The following CRY1 variants were observed in gnomAD, a reference collection of about 807,000 sequenced individuals.
CRY1 encodes cryptochrome circadian regulator 1, also known as cryptochrome-1.
Under a neutral mutation model 76.0 loss-of-function variants are expected in CRY1, and 45 were observed. The ratio of observed to expected loss-of-function variants is 0.59; its 90% CI spans 0.47 to 0.76. The LOEUF (loss-of-function observed/expected upper bound fraction) is 0.76, where lower values mean the gene tolerates loss of function less well. Among genes scored for constraint, CRY1 ranks in the 30% least tolerant of loss-of-function variants. CRY1 has a pLI of 0.00. For synonymous variants in CRY1, 248 were observed against 244.0 expected (o/e 1.02, Z -0.15); for missense variants, 587 against 716.4 (o/e 0.82, Z 2.06).
chr12:107,079,648 G>C (rs1953298632), intron 1 of CRY1, among the ~76,000 whole-genome samples: 1 of 152,022 alleles, frequency 6.6e-6, no homozygotes, highest in Non-Finnish European at 1.5e-5. Flanking sequence ...CTTTCCTTAA[G>C]CTATTCTTTC....
In CRY1 at chr12:107,068,147, G is replaced by A. The variant is rs141437223; in HGVS notation, c.158+24657C>T. Among the ~76,000 whole-genome samples, 22 of 152,264 alleles carry A rather than the reference G, an allele frequency of 1.4e-4. No homozygotes were observed. In the East Asian group the frequency reaches 4.1e-3, roughly 28 times the overall value. ...TTAGTTTCATGCTACAATAGGAGAG[G>A]TGGGTAGCTGAGAGAGAGATCATAT... On this transcript the variant is annotated intron_variant, in intron 1 of 12. Transcript: ENST00000008527.
chr12:107,042,246 A>G (rs1188980006), intron 1 of CRY1, among the ~76,000 whole-genome samples: 1 of 152,236 alleles, frequency 6.6e-6, no homozygotes, highest in African/African-American at 2.4e-5. Context: ...AGAATAGCAC[A>G]TAATTCAGGC....
At chr12:107,021,343 C>T (rs374888738) in intron 2 of CRY1, among the ~76,000 whole-genome samples, 1 of 152,242 alleles carries the variant, frequency 6.6e-6, no homozygotes, top group East Asian at 1.9e-4. Context: ...TCCATTGTTA[C>T]AATCCTTTGA....
At chr12:106,995,042 C>A (rs1370592760) in intron 10 of CRY1, among the ~76,000 whole-genome samples, 1 of 152,196 alleles carries the variant, frequency 6.6e-6, no homozygotes, top group Non-Finnish European at 1.5e-5. Flanking sequence ...GCAGAGGAGG[C>A]CCAATGATGC....
chr12:107,060,749 T>C (rs2136883407), intron 1 of CRY1, among the ~76,000 whole-genome samples: 1 of 152,114 alleles, frequency 6.6e-6, no homozygotes, highest in East Asian at 1.9e-4. Context: ...CCAGCCGAGG[T>C]GGGCGGATCA....
At chr12:107,046,637 C>T (rs1011298875) in intron 1 of CRY1, among the ~76,000 whole-genome samples, 3 of 152,040 alleles carry the variant, frequency 2.0e-5, no homozygotes, top group Non-Finnish European at 2.9e-5. Context: ...ATTCTGCCAA[C>T]AAGAAACTTA....
chr12:107,073,642 T>G (rs187319677), intron 1 of CRY1, among the ~76,000 whole-genome samples: 1 of 152,198 alleles, frequency 6.6e-6, no homozygotes, highest in East Asian at 1.9e-4. Flanking sequence ...GGCAGAAGAA[T>G]TGCATGAACC....
chr12:107,084,847 C>T (rs1953376484), intron 1 of CRY1, among the ~76,000 whole-genome samples: 1 of 152,044 alleles, frequency 6.6e-6, no homozygotes, highest in Admixed American at 6.6e-5. Context: ...TAAAGAGTTT[C>T]TGCACAGTGA....
chr12:107,066,626 T>C (rs1182764009), intron 1 of CRY1, among the ~76,000 whole-genome samples: 1 of 152,020 alleles, frequency 6.6e-6, no homozygotes. Flanking sequence ...CCAACACATC[T>C]GGCTAATTTT....
At chr12:106,998,869 CCTCT>C (rs942151432) in intron 7 of CRY1, among the ~76,000 whole-genome samples, 2 of 151,706 alleles carry the variant, frequency 1.3e-5, no homozygotes, top group African/African-American at 4.8e-5. Flanking sequence ...ATGGTAAAAC[CCTCT>C]CTCTACTAAA....
intron 1 of CRY1, among the ~76,000 whole-genome samples, chr12:107,039,057 G>A (rs1952768245): frequency 6.6e-6 from 1 of 152,088 alleles, no homozygotes; most frequent in East Asian, 1.9e-4. Context: ...CCTGGAAGGC[G>A]GAAGTTGCAG....
intron 1 of CRY1, among the ~76,000 whole-genome samples, chr12:107,037,929 G>A (rs953207654): frequency 8.6e-5 from 13 of 152,016 alleles, no homozygotes; most frequent in African/African-American, 3.1e-4. Flanking sequence ...GGCTGGATTC[G>A]AACTCCCAAT....
At chr12:106,993,595 T>A (rs1952201543) in intron 10 of CRY1, among the ~76,000 whole-genome samples, 1 of 151,994 alleles carries the variant, frequency 6.6e-6, no homozygotes, top group Non-Finnish European at 1.5e-5. Flanking sequence ...AGGGAAACAT[T>A]TCTGTCAGTG....
At chr12:107,048,120 G>A (rs530251466) in intron 1 of CRY1, among the ~76,000 whole-genome samples, 24 of 150,264 alleles carry the variant, frequency 1.6e-4, no homozygotes, top group South Asian at 4.2e-4. Context: ...TTGCTCTGTC[G>A]CCCAGGCTGG....
intron 1 of CRY1, among the ~76,000 whole-genome samples, chr12:107,068,645 T>C (rs1240007007): frequency 1.3e-5 from 2 of 152,170 alleles, no homozygotes; most frequent in Non-Finnish European, 2.9e-5. Context: ...TATGAGTACA[T>C]TGATAATGCT....
chr12:107,068,938 G>C (rs1434472052), intron 1 of CRY1, among the ~76,000 whole-genome samples: 1 of 152,152 alleles, frequency 6.6e-6, no homozygotes, highest in Non-Finnish European at 1.5e-5. Context: ...CATGTGAAGA[G>C]ACCATATTTT....
In CRY1 at chr12:106,997,688, C is replaced by T. The variant is rs747739478; in HGVS notation, c.1292G>A (p.Arg431His). ...GAAGCCTCTTAGGACAGGCAAATAA[C>T]GCCTTTGGGAGAAAAAAGAAAGATT... The part of the protein sequence containing the change: ...RTDPNGDYIR[R>H]YLPVLRGFPA... Residue 431 changes from arginine to histidine, a missense_variant and splice_region_variant, in exon 9 of 13, where the codon CGT becomes CAT. Physicochemically the swap from Arg to His is conservative, Grantham distance 29. Coordinates refer to ENST00000008527, the MANE Select transcript of CRY1 (RefSeq NM_004075.5). The T allele has an allele frequency of 5.6e-5, 91 of 1,613,464 alleles. No individual in the cohort carries two copies. The East Asian group carries it at 1.4e-3, about 24-fold the overall frequency.
At chr12:107,075,643 C>A (rs573333904) in intron 1 of CRY1, among the ~76,000 whole-genome samples, 1 of 152,244 alleles carries the variant, frequency 6.6e-6, no homozygotes, top group African/African-American at 2.4e-5. Context: ...TACTGACACC[C>A]ACCCTGTGCC....
At chr12:107,050,090 A>C (rs1287205524) in intron 1 of CRY1, 1 of 152,224 alleles carries the variant, frequency 6.6e-6, no homozygotes, top group Non-Finnish European at 1.5e-5. Flanking sequence ...TGGGGGAGAC[A>C]CAAGGGGAAA....
Sources: gnomAD v4.1 joint callset for allele counts (sites outside exome capture counted in the v4.1 genomes callset) on GRCh38, gnomAD v4.1.1 for gene constraint, MANE v1.5 for transcripts, NCBI Gene and HGNC (gene_info 2026-07-23, HGNC 2026-07-21) for gene names.